The following SCLT1 variants were observed in gnomAD, a reference collection of about 807,000 sequenced individuals.
SCLT1 encodes the protein sodium channel and clathrin linker 1.
Under a neutral mutation model 112.8 loss-of-function variants are expected in SCLT1, and 78 were observed. The observed-to-expected ratio is 0.69, with a 90% CI of 0.58 to 0.83. The LOEUF is 0.83. Among genes scored for constraint, SCLT1 ranks in the 40% least tolerant of loss-of-function variants. SCLT1 has a pLI of 0.00. For missense variants in SCLT1, 747 were observed against 770.4 expected, an observed-to-expected ratio of 0.97 and a Z score of 0.36; for synonymous variants, 257 against 254.7, an observed-to-expected ratio of 1.01 and a Z score of -0.09.
chr4:128,901,137 G>C (rs1156389432), intron 18 of SCLT1, among the ~76,000 whole-genome samples: 2 of 152,140 alleles, frequency 1.3e-5, no homozygotes, highest in Non-Finnish European at 2.9e-5. Context: ...TCTAGAACTG[G>C]AAATACCATT....
intron 5 of SCLT1, among the ~76,000 whole-genome samples, chr4:129,036,007 AC>A (rs1747151248): frequency 6.6e-6 from 1 of 152,034 alleles, no homozygotes; most frequent in Non-Finnish European, 1.5e-5. Flanking sequence ...CATAATCCAC[AC>A]CATTGCTACC....
At chr4:129,025,901 T>C (rs1363681465) in intron 5 of SCLT1, among the ~76,000 whole-genome samples, 4 of 152,068 alleles carry the variant, frequency 2.6e-5, no homozygotes, top group African/African-American at 4.8e-5. Flanking sequence ...CTTGCAATCC[T>C]AGTCTCTGAT....
At position 129,005,469 on chromosome 4, in the gene SCLT1, T is replaced by C. The variant is rs200121818; in HGVS notation, c.291-1593A>G. Among the ~76,000 whole-genome samples, 1,447 of 152,054 alleles carry C rather than the reference T, an allele frequency of 9.5e-3. 16 individuals carry two copies. Among genetic ancestry groups the C allele is most frequent in the African/African-American group, 0.028 (1,151 of 41,458 alleles). On this transcript the variant is annotated intron_variant, in intron 5 of 20. Transcript: ENST00000281142. Reference sequence around the variant, plus strand: ...TGCAAATCAAAACCACAATGAGATATCATCTCACACCAGTTAGAATGGCAA... The same window carrying C: ...TGCAAATCAAAACCACAATGAGATACCATCTCACACCAGTTAGAATGGCAA...
intron 15 of SCLT1, among the ~76,000 whole-genome samples, chr4:128,946,515 G>A (rs1430987415): frequency 6.6e-6 from 1 of 152,132 alleles, no homozygotes; most frequent in African/African-American, 2.4e-5. Flanking sequence ...AGGCTGCAGT[G>A]AGCCATGATC....
At chr4:128,879,073 C>T (rs1579268762), downstream of SCLT1, among the ~76,000 whole-genome samples, 1 of 151,386 alleles carries the variant, frequency 6.6e-6, no homozygotes, top group Non-Finnish European at 1.5e-5. Flanking sequence ...CACATGTATA[C>T]ATATGTGACA....
intron 9 of SCLT1, 194 bp from the exon 10 acceptor site, chr4:128,970,662 G>A: frequency 7.6e-6 from 4 of 525,908 alleles, no homozygotes; most frequent in Non-Finnish European, 1.3e-5. Flanking sequence ...AAAAAATATA[G>A]CTGAATGGCG....
chr4:129,038,539 G>A (rs985308983), intron 5 of SCLT1, among the ~76,000 whole-genome samples: 1 of 152,136 alleles, frequency 6.6e-6, no homozygotes. Flanking sequence ...GCAAGGGAAT[G>A]ATAAACACAA....
intron 2 of SCLT1, among the ~76,000 whole-genome samples, chr4:129,046,898 GATAA>G (rs896188944): frequency 6.6e-6 from 1 of 152,048 alleles, no homozygotes; most frequent in Non-Finnish European, 1.5e-5. Context: ...CCATTTACCT[GATAA>G]ATAATGAAGT....
intron 9 of SCLT1, among the ~76,000 whole-genome samples, chr4:128,984,067 A>G (rs976780173): frequency 6.6e-6 from 1 of 152,232 alleles, no homozygotes; most frequent in Non-Finnish European, 1.5e-5. Context: ...ATGTTAAGCT[A>G]TGGAATACTG....
intron 5 of SCLT1, among the ~76,000 whole-genome samples, chr4:129,005,549 C>A (rs1469912325): frequency 6.6e-6 from 1 of 152,146 alleles, no homozygotes; most frequent in Admixed American, 6.6e-5. Context: ...GAAATAGGAA[C>A]ACCTTTACAC....
At chr4:128,999,621 A>G in intron 7 of SCLT1, 51 bp downstream of exon 7, 2 of 1,463,904 alleles carry the variant, frequency 1.4e-6, no homozygotes, top group Non-Finnish European at 1.9e-6. Flanking sequence ...CAGTTTCTTC[A>G]GAGTGCAATT....
intron 2 of SCLT1, among the ~76,000 whole-genome samples, chr4:129,049,736 TTTTTA>T (rs774984190): frequency 9.9e-5 from 15 of 152,154 alleles, no homozygotes; most frequent in African/African-American, 1.4e-4. Flanking sequence ...TTAATTTTTA[TTTTTA>T]TTTTAAGTTC....
chr4:128,914,033 T>G (rs1031667992), intron 18 of SCLT1, among the ~76,000 whole-genome samples: 1 of 152,212 alleles, frequency 6.6e-6, no homozygotes, highest in Non-Finnish European at 1.5e-5. Flanking sequence ...CAGCTATTTC[T>G]AAAGCACTGG....
At chr4:128,925,151 T>C (rs1004069955) in intron 18 of SCLT1, among the ~76,000 whole-genome samples, 3 of 152,080 alleles carry the variant, frequency 2.0e-5, no homozygotes, top group African/African-American at 7.3e-5. Flanking sequence ...AGTCAATGCG[T>C]TGATTGCAAC....
At chr4:129,046,418 T>C (rs1748186792) in intron 2 of SCLT1, among the ~76,000 whole-genome samples, 1 of 152,084 alleles carries the variant, frequency 6.6e-6, no homozygotes, top group South Asian at 2.1e-4. Context: ...ATTATAAAAA[T>C]ATAACCACAC....
chr4:129,070,713 T>C (rs1212252723), intron 2 of SCLT1, among the ~76,000 whole-genome samples: 1 of 152,098 alleles, frequency 6.6e-6, no homozygotes, highest in East Asian at 1.9e-4. Flanking sequence ...AACCAGCTTT[T>C]TGTTTTATTT....
At chr4:129,028,080 T>C (rs912167858) in intron 5 of SCLT1, among the ~76,000 whole-genome samples, 3 of 152,150 alleles carry the variant, frequency 2.0e-5, no homozygotes, top group African/African-American at 7.2e-5. Flanking sequence ...AGAATCAATA[T>C]TGTGAAAATG....
chr4:128,888,754 C>T lies in SCLT1; in HGVS notation c.1929G>A (p.Glu643=). Residue 643 remains glutamate, a synonymous_variant, in exon 20 of 21, where the codon GAG becomes GAA. Transcript: ENST00000281142. ...GAAGTCTGTTGGCTTTTTCTTGATG[C>T]TCTAGAATTAGCTTTTCATTCTATT... The part of the protein sequence containing the change: ...KVAENEKLIL[E]HQEKANRLQR... 1 of 1,608,566 alleles carries T rather than the reference C, an allele frequency of 6.2e-7. No homozygotes were observed. Among genetic ancestry groups the T allele is most frequent in the African/African-American group, 1.3e-5 (1 of 74,862 alleles).
chr4:128,994,333 A>G (rs766069707), intron 8 of SCLT1, among the ~76,000 whole-genome samples: 1 of 152,136 alleles, frequency 6.6e-6, no homozygotes, highest in East Asian at 1.9e-4. Flanking sequence ...TATTCATGTT[A>G]TCACATATTG....
Sources: allele counts gnomAD v4.1 joint callset (sites outside exome capture counted in the v4.1 genomes callset), GRCh38; gene constraint gnomAD v4.1.1; transcripts MANE v1.5; gene names NCBI Gene and HGNC (gene_info 2026-07-23, HGNC 2026-07-21).